The following SPATA17 variants were observed in gnomAD, a reference collection of about 807,000 sequenced individuals.
SPATA17 encodes the protein spermatogenesis-associated protein 17.
In SPATA17, 53 loss-of-function variants were observed where a neutral mutation model predicts 62.2. The observed-to-expected ratio is 0.85, with a 90% CI of 0.68 to 1.07. The LOEUF (loss-of-function observed/expected upper bound fraction) is 1.07, where lower values mean the gene tolerates loss of function less well. SPATA17 is among the 50% of genes least tolerant of loss of function. The probability of loss-of-function intolerance (pLI) is 0.00; values close to 1 mark genes in which losing one functional copy is unlikely to be tolerated. For synonymous variants in SPATA17, 146 were observed against 146.8 expected (o/e 0.99, Z 0.04); for missense variants, 466 against 425.5 (o/e 1.10, Z -0.84).
intron 9 of SPATA17, among the ~76,000 whole-genome samples, chr1:217,840,646 C>G (rs1321302611): frequency 6.6e-6 from 1 of 151,622 alleles, no homozygotes; most frequent in East Asian, 1.9e-4. Flanking sequence ...TCGATTGAGC[C>G]CAGGAGTTAG....
At chr1:217,786,385 A>G (rs943442875) in intron 8 of SPATA17, among the ~76,000 whole-genome samples, 1 of 152,142 alleles carries the variant, frequency 6.6e-6, no homozygotes, top group Admixed American at 6.5e-5. Flanking sequence ...TGAGATTTTG[A>G]TAGAGGAAAG....
At chr1:217,854,466 G>T (rs1675732539) in intron 9 of SPATA17, among the ~76,000 whole-genome samples, 1 of 152,090 alleles carries the variant, frequency 6.6e-6, no homozygotes, top group Non-Finnish European at 1.5e-5. Context: ...GTCACTCTGA[G>T]AAGTCCTGTA....
chr1:217,697,104 G>T (rs1671476571), intron 5 of SPATA17, among the ~76,000 whole-genome samples: 1 of 152,166 alleles, frequency 6.6e-6, no homozygotes, highest in Non-Finnish European at 1.5e-5. Context: ...TGCCTCCTGG[G>T]TTCAAGTGAT....
At chr1:217,633,197 C>CAAATAAAT (rs139113077) in intron 1 of SPATA17, among the ~76,000 whole-genome samples, 12 of 145,846 alleles carry the variant, frequency 8.2e-5, no homozygotes, top group African/African-American at 1.8e-4. Flanking sequence ...GACTCTGTCT[C>CAAATAAAT]AAATAAATAA....
intron 9 of SPATA17, among the ~76,000 whole-genome samples, chr1:217,853,175 A>G (rs928756430): frequency 1.3e-5 from 2 of 152,174 alleles, no homozygotes; most frequent in Non-Finnish European, 2.9e-5. Context: ...TAGTCTAACA[A>G]ACATGATTAT....
rs1675625872 is a variant in SPATA17, at chr1:217,850,507, G to A, written c.1006-12267G>A. ...TCTAGCTGCATGCCTGCAAAGATGAGCCTCTGCTGGTCGGGGAGGATGCCT... is the reference window on the plus strand; with the variant it reads ...TCTAGCTGCATGCCTGCAAAGATGAACCTCTGCTGGTCGGGGAGGATGCCT... On this transcript the variant is annotated intron_variant, in intron 9 of 10. Coordinates refer to ENST00000366933, the MANE Select transcript of SPATA17 (RefSeq NM_138796.4). 7 of 1,542,574 alleles carry A rather than the reference G, an allele frequency of 4.5e-6. No homozygotes were observed. In the Middle Eastern group the frequency reaches 8.5e-4, roughly 188 times the overall value.
intron 1 of SPATA17, among the ~76,000 whole-genome samples, chr1:217,647,430 G>C (rs1355081157): frequency 6.6e-6 from 1 of 152,208 alleles, no homozygotes; most frequent in African/African-American, 2.4e-5. Flanking sequence ...TTGAGTGTTA[G>C]GAGTAATACC....
Position 217,749,985 on chromosome 1 carries a change from C to CTATATATATATATATATATA in SPATA17, c.519+7895_519+7914dup, listed in dbSNP as rs57489651. ...TCTCTCTCTCTCTCTCTCTCTCTCT[C>CTATATATATATATATATATA]TATATATATATATATATATATATAT... On this transcript the variant is annotated intron_variant, in intron 6 of 10. Transcript: ENST00000366933. Among the ~76,000 whole-genome samples the CTATATATATATATATATATA allele has an allele frequency of 5.4e-3, 66 of 12,296 alleles. 3 individuals are homozygous for CTATATATATATATATATATA. Among genetic ancestry groups the CTATATATATATATATATATA allele is most frequent in the Non-Finnish European group, 6.3e-3 (40 of 6,328 alleles). The allele number at this position is 12,296 out of a possible 152,430, so 8.1% of individuals were successfully genotyped here. A position where few individuals can be genotyped will look rare whatever the true frequency, so the allele number is the denominator to read the frequency against.
At chr1:217,721,226 C>A (rs950694889) in intron 5 of SPATA17, among the ~76,000 whole-genome samples, 3 of 152,154 alleles carry the variant, frequency 2.0e-5, no homozygotes, top group African/African-American at 7.2e-5. Flanking sequence ...TAATGATAAT[C>A]TTTTAAATAA....
rs149206421 is a variant in SPATA17, at chr1:217,706,514, A to G, written c.395+23153A>G. 3.1e-3 allele frequency among the ~76,000 whole-genome samples: 472 copies of G among 152,240 alleles called. 5 individuals are homozygous for G. The highest frequency in any genetic ancestry group is 0.01 in the African/African-American group (434 of 41,538). On this transcript the variant is annotated intron_variant, in intron 5 of 10. Coordinates refer to ENST00000366933, the MANE Select transcript of SPATA17 (RefSeq NM_138796.4). ...CTCACAAGACCTGATGGTTTTATAA[A>G]TGGTAGTTTTTTCTGTGCTCTCACA...
chr1:217,706,840 A>G (rs1274837583), intron 5 of SPATA17, among the ~76,000 whole-genome samples: 2 of 150,458 alleles, frequency 1.3e-5, no homozygotes, highest in African/African-American at 4.9e-5. Context: ...TCTATTTATT[A>G]TGTATTTCTT....
intron 5 of SPATA17, among the ~76,000 whole-genome samples, chr1:217,731,452 G>C (rs1672401348): frequency 6.6e-6 from 1 of 152,062 alleles, no homozygotes; most frequent in South Asian, 2.1e-4. Flanking sequence ...TCTTCATGTA[G>C]GCACCCAAGC....
chr1:217,634,534 C>A (rs536187200), intron 1 of SPATA17, among the ~76,000 whole-genome samples: 2 of 152,230 alleles, frequency 1.3e-5, no homozygotes, highest in African/African-American at 2.4e-5. Flanking sequence ...TAGCACTGAT[C>A]TTAGGTTTTA....
intron 3 of SPATA17, among the ~76,000 whole-genome samples, chr1:217,652,857 C>T (rs1303656330): frequency 6.6e-6 from 1 of 152,068 alleles, no homozygotes; most frequent in Non-Finnish European, 1.5e-5. Context: ...CCTGTGTGGA[C>T]CTTGCTTATG....
At position 217,842,592 on chromosome 1, in the gene SPATA17, T is replaced by C. The variant is rs191136662; in HGVS notation, c.1006-20182T>C. ...AAATTGCTCATGATCCATTTTATTA[T>C]ATATTAATATTTAATTCGATAGCAT... is the stretch of plus-strand genomic sequence containing the variant. On this transcript the variant is annotated intron_variant, in intron 9 of 10. Coordinates refer to ENST00000366933, the MANE Select transcript of SPATA17 (RefSeq NM_138796.4). Among the ~76,000 whole-genome samples, 279 of 150,484 alleles carry C rather than the reference T, an allele frequency of 1.9e-3. 2 individuals carry two copies. Among genetic ancestry groups the C allele is most frequent in the Non-Finnish European group, 2.6e-3 (175 of 66,904 alleles).
intron 8 of SPATA17, 67 bp downstream of exon 8, chr1:217,782,389 T>G: frequency 6.8e-7 from 1 of 1,469,076 alleles, no homozygotes; most frequent in Admixed American, 2.4e-5. Flanking sequence ...AATTTTTTTA[T>G]TTTCTAATAC....
chr1:217,870,651 G>A lies in SPATA17; in HGVS notation c.*3632G>A, dbSNP rs1676111627. On this transcript the variant is annotated 3_prime_UTR_variant, in exon 11 of 11. Coordinates refer to ENST00000366933, the MANE Select transcript of SPATA17 (RefSeq NM_138796.4). ...TTCCTTGATCTTATTCTCCAAACTT[G>A]ATTCTGAATGACTACTGACCACTAA... 1 of 152,072 alleles carries A rather than the reference G, an allele frequency of 6.6e-6. No individual in the cohort carries two copies. Among genetic ancestry groups the A allele is most frequent in the Admixed American group, 6.6e-5 (1 of 15,258 alleles). The allele number at this position is 152,072 out of a possible 1,614,324, so 9.4% of individuals were successfully genotyped here.
chr1:217,776,707 A>G (rs1030988471), intron 7 of SPATA17, among the ~76,000 whole-genome samples: 11 of 150,708 alleles, frequency 7.3e-5, no homozygotes, highest in African/African-American at 2.7e-4. Flanking sequence ...GATGTCAACC[A>G]TGACCGTGAT....
At chr1:217,780,960 AAAG>A (rs1312548805) in intron 7 of SPATA17, among the ~76,000 whole-genome samples, 7 of 152,192 alleles carry the variant, frequency 4.6e-5, no homozygotes, top group African/African-American at 1.7e-4. Flanking sequence ...AAGAAAAAAA[AAAG>A]AAGTCCCATT....
Sources: allele counts gnomAD v4.1 joint callset (sites outside exome capture counted in the v4.1 genomes callset), GRCh38; gene constraint gnomAD v4.1.1; transcripts MANE v1.5; gene names NCBI Gene and HGNC (gene_info 2026-07-23, HGNC 2026-07-21).